The following MDM2 variants were observed in gnomAD, a reference collection of about 807,000 sequenced individuals.
MDM2 encodes MDM2 proto-oncogene, also known as E3 ubiquitin-protein ligase Mdm2.
A neutral mutation model predicts 64.3 loss-of-function variants in MDM2; 11 were observed. That is an observed-to-expected ratio of 0.17 (90% CI 0.11 to 0.28). The LOEUF (loss-of-function observed/expected upper bound fraction) is 0.28, where lower values mean the gene tolerates loss of function less well. Ranked by LOEUF, MDM2 falls within the 10% of genes least tolerant of loss-of-function variation. The pLI is 1.00. For synonymous variants in MDM2, 194 were observed against 192.9 expected, an observed-to-expected ratio of 1.01 and a Z score of -0.05; for missense variants, 388 against 577.1, an observed-to-expected ratio of 0.67 and a Z score of 3.36.
chr12:68,850,421 T>G (rs1158554859), downstream of MDM2: 1 of 152,248 alleles, frequency 6.6e-6, no homozygotes. Context: ...TTTTCTAAAT[T>G]GAGACGTCAC....
In MDM2 at chr12:68,842,019, A is replaced by C; in HGVS notation, c.*2170A>C. The C allele has an allele frequency of 2.5e-6, 1 of 407,172 alleles. No homozygotes were observed. Among genetic ancestry groups the C allele is most frequent in the Non-Finnish European group, 4.7e-6 (1 of 212,248 alleles). The allele number at this position is 407,172 out of a possible 1,614,324, so 25.2% of individuals were successfully genotyped here. A position where few individuals can be genotyped will look rare whatever the true frequency, so the allele number is the denominator to read the frequency against. ...AAGGTGTTCAGATTGTATAAACATAAATGTCACAAAAACTTTAAAAGAAGT... is the reference window on the plus strand; with the variant it reads ...AAGGTGTTCAGATTGTATAAACATACATGTCACAAAAACTTTAAAAGAAGT... On this transcript the variant is annotated 3_prime_UTR_variant, in exon 11 of 11. Transcript: ENST00000258149.
Position 68,809,299 on chromosome 12 carries a change from A to C in MDM2, c.99+7A>C, listed in dbSNP as rs1565730652. The C allele has an allele frequency of 6.2e-7, 1 of 1,612,204 alleles. No homozygotes were observed. Among genetic ancestry groups the C allele is most frequent in the African/African-American group, 1.3e-5 (1 of 74,938 alleles). Reference sequence around the variant, plus strand: ...TTCGGAACAAGAGACCCTGGTTAGTATTTTTGTCTCGTGTAACTTTTAAGA... The same window carrying C: ...TTCGGAACAAGAGACCCTGGTTAGTCTTTTTGTCTCGTGTAACTTTTAAGA... On this transcript the variant is annotated splice_region_variant and intron_variant, in intron 2 of 10. Coordinates refer to ENST00000258149, the MANE Select transcript of MDM2 (RefSeq NM_002392.6).
chr12:68,808,904 C>CT, intron 1 of MDM2: 1 of 1,360,302 alleles, frequency 7.4e-7, no homozygotes, highest in Non-Finnish European at 9.4e-7. Context: ...CAGGTTGACT[C>CT]AGCTTTTCCT....
intron 4 of MDM2, 24 bp from the exon 5 acceptor site, chr12:68,820,301 A>G (rs200850525): frequency 2.7e-5 from 32 of 1,179,328 alleles, no homozygotes; most frequent in Non-Finnish European, 3.3e-5. Context: ...ATCTCTTGTT[A>G]TTTTTTTTTT....
In MDM2 at chr12:68,845,204, AT is replaced by A; in HGVS notation, c.*5356del. The A allele has an allele frequency of 1.0e-5, 1 of 100,222 alleles. No individual in the cohort carries two copies. Among genetic ancestry groups the A allele is most frequent in the Non-Finnish European group, 2.6e-5 (1 of 38,108 alleles). 6.2% of individuals were successfully genotyped at this position (100,222 alleles called of 1,614,324 possible). A position where few individuals can be genotyped will look rare whatever the true frequency, so the allele number is the denominator to read the frequency against. The stretch of plus-strand genomic sequence containing the variant: ...TGAATTACATTTTGATTTGATACTT[AT>A]AAAAAGAAAAAGTATTTCTTCAGCT... On this transcript the variant is annotated 3_prime_UTR_variant, in exon 11 of 11. Coordinates refer to ENST00000258149, the MANE Select transcript of MDM2 (RefSeq NM_002392.6).
rs878861364 is a variant in MDM2 at position 68,820,264 on chromosome 12, A to C, written c.309-61A>C. 3.9e-6 allele frequency: 5 copies of C among 1,278,354 alleles called. No homozygotes were observed. In the South Asian group the frequency reaches 6.4e-5, roughly 16 times the overall value. The allele number at this position is 1,278,354 out of a possible 1,614,324, so 79.2% of individuals were successfully genotyped here. A position where few individuals can be genotyped will look rare whatever the true frequency, so the allele number is the denominator to read the frequency against. ...GTAGAAGTCTGGTTAGATCCAGCTTAATACAAATTTTTATTCTAAAATGTA... is the reference window on the plus strand; with the variant it reads ...GTAGAAGTCTGGTTAGATCCAGCTTCATACAAATTTTTATTCTAAAATGTA... On this transcript the variant is annotated intron_variant, in intron 4 of 10. Coordinates refer to ENST00000258149, the MANE Select transcript of MDM2 (RefSeq NM_002392.6).
At chr12:68,832,263 C>A (rs1469375509) in intron 8 of MDM2, among the ~76,000 whole-genome samples, 1 of 152,014 alleles carries the variant, frequency 6.6e-6, no homozygotes, top group Non-Finnish European at 1.5e-5. Flanking sequence ...TCTTTTCTTT[C>A]TTTGGGGTTT....
At chr12:68,816,220 T>C (rs557401057) in intron 3 of MDM2, among the ~76,000 whole-genome samples, 1 of 152,238 alleles carries the variant, frequency 6.6e-6, no homozygotes, top group South Asian at 2.1e-4. Context: ...CCTTTTCCCT[T>C]CCTAATATGT....
At position 68,845,491 on chromosome 12, in the gene MDM2, A is replaced by C; in HGVS notation, c.*5642A>C. 4.9e-6 allele frequency: 1 copy of C among 202,476 alleles called. No homozygotes were observed. Among genetic ancestry groups the C allele is most frequent in the Non-Finnish European group, 1.0e-5 (1 of 98,598 alleles). 12.5% of individuals were successfully genotyped at this position (202,476 alleles called of 1,614,324 possible). Reference sequence around the variant, plus strand: ...GCATCTGAAATGATTGCTGTACTCAAATATTTAACGTTAGAGTAATAGTAT... The same window carrying C: ...GCATCTGAAATGATTGCTGTACTCACATATTTAACGTTAGAGTAATAGTAT... On this transcript the variant is annotated 3_prime_UTR_variant, in exon 11 of 11. Coordinates refer to ENST00000258149, the MANE Select transcript of MDM2 (RefSeq NM_002392.6).
chr12:68,822,881 C>T (rs574489649), intron 5 of MDM2, among the ~76,000 whole-genome samples: 1 of 152,094 alleles, frequency 6.6e-6, no homozygotes, highest in African/African-American at 2.4e-5. Flanking sequence ...GGTGGGATTA[C>T]AGGTGCCTGC....
In MDM2 at chr12:68,844,632, C is replaced by T. The variant is rs1592610607; in HGVS notation, c.*4783C>T. On this transcript the variant is annotated 3_prime_UTR_variant, in exon 11 of 11. Transcript: ENST00000258149. ...CTGGGAACCTCTTGATTGTGAGGCA[C>T]AAATGTAAGTACATCAGAAAAAAAC... The T allele has an allele frequency of 4.4e-6, 1 of 226,590 alleles. No homozygotes were observed. The highest frequency in any genetic ancestry group is 8.8e-6 in the Non-Finnish European group (1 of 114,114). The allele number at this position is 226,590 out of a possible 1,614,324, so 14.0% of individuals were successfully genotyped here.
intron 5 of MDM2, among the ~76,000 whole-genome samples, chr12:68,822,475 A>G (rs549460311): frequency 9.9e-5 from 15 of 151,236 alleles, no homozygotes; most frequent in African/African-American, 3.2e-4. Context: ...GGTTGGTTAC[A>G]TATGTATACC....
In MDM2 at chr12:68,809,376, C is replaced by T. The variant is rs534993094; in HGVS notation, c.99+84C>T. 1.7e-5 allele frequency: 20 copies of T among 1,208,324 alleles called. No individual in the cohort carries two copies. In the African/African-American group the frequency reaches 2.6e-4, roughly 15 times the overall value. The allele number at this position is 1,208,324 out of a possible 1,614,324, so 74.9% of individuals were successfully genotyped here. On this transcript the variant is annotated intron_variant, in intron 2 of 10. Coordinates refer to ENST00000258149, the MANE Select transcript of MDM2 (RefSeq NM_002392.6). ...TAAATTTCGTATACCTCAATTGTAG[C>T]ATGGCTCTGTAAATAAAATTGTATG...
rs921179193 is a variant in MDM2, at chr12:68,809,730, C to T, written c.99+438C>T. On this transcript the variant is annotated intron_variant, in intron 2 of 10. Coordinates refer to ENST00000258149, the MANE Select transcript of MDM2 (RefSeq NM_002392.6). ...TGTTTCCTTTTAGATTTTTTGTGTG[C>T]GTACCCACATATATTTACATTTGAA... Among the ~76,000 whole-genome samples the T allele has an allele frequency of 6.6e-5, 10 of 152,030 alleles. No homozygotes were observed. The South Asian group carries it at 1.0e-3, about 16-fold the overall frequency.
chr12:68,812,861 A>C (rs1007912106), intron 2 of MDM2, among the ~76,000 whole-genome samples: 9 of 152,064 alleles, frequency 5.9e-5, no homozygotes, highest in Non-Finnish European at 1.2e-4. Flanking sequence ...AAAGCTTAAA[A>C]TACTTACAGT....
At position 68,841,415 on chromosome 12, in the gene MDM2, A is replaced by G. The variant is rs1883758019; in HGVS notation, c.*1566A>G. ...CACACCCGGCTGTAAAAATGTACTT[A>G]TTCTCCAGCCTCTTTTGTATAAACC... On this transcript the variant is annotated 3_prime_UTR_variant, in exon 11 of 11. Coordinates refer to ENST00000258149, the MANE Select transcript of MDM2 (RefSeq NM_002392.6). 4.8e-6 allele frequency: 1 copy of G among 207,536 alleles called. No homozygotes were observed. The highest frequency in any genetic ancestry group is 5.9e-5 in the Admixed American group (1 of 16,862). The allele number at this position is 207,536 out of a possible 1,614,324, so 12.9% of individuals were successfully genotyped here.
At chr12:68,825,079 G>A (rs3730574) in intron 7 of MDM2, among the ~76,000 whole-genome samples, 186 of 152,104 alleles carry the variant, frequency 1.2e-3, no homozygotes, top group African/African-American at 4.2e-3. Flanking sequence ...GCCTGGTGGC[G>A]CACACTTGTA....
At chr12:68,824,454 C>CT (rs1432372455) in intron 6 of MDM2, 24 bp downstream of exon 6, 1 of 1,607,624 alleles carries the variant, frequency 6.2e-7, no homozygotes, top group Non-Finnish European at 8.5e-7. Context: ...ATTTCTCATT[C>CT]TAATGTAATA....
rs1351478064 is a variant in MDM2 at position 68,841,925 on chromosome 12, TGAG to T, written c.*2077_*2079del. 3.6e-6 allele frequency: 1 copy of T among 275,170 alleles called. No homozygotes were observed. Among genetic ancestry groups the T allele is most frequent in the African/African-American group, 2.1e-5 (1 of 46,872 alleles). 17.0% of individuals were successfully genotyped at this position (275,170 alleles called of 1,614,324 possible). On this transcript the variant is annotated 3_prime_UTR_variant, in exon 11 of 11. Transcript: ENST00000258149. ...GTGGAGGCCCATCCGAGCTCAGCAC[TGAG>T]AAGTGTTAGTTTCTTTGGGACCCAT... is the stretch of plus-strand genomic sequence containing the variant.
Sources: gnomAD v4.1 joint callset for allele counts (sites outside exome capture counted in the v4.1 genomes callset) on GRCh38, gnomAD v4.1.1 for gene constraint, MANE v1.5 for transcripts, NCBI Gene and HGNC (gene_info 2026-07-23, HGNC 2026-07-21) for gene names.